PDE6A: variants seen among roughly 807,000 people sequenced by gnomAD.
PDE6A encodes rod cGMP-specific 3',5'-cyclic phosphodiesterase subunit alpha.
Under a neutral mutation model 106.3 loss-of-function variants are expected in PDE6A, and 84 were observed. The observed-to-expected ratio is 0.79, with a 90% CI of 0.66 to 0.95. The LOEUF (loss-of-function observed/expected upper bound fraction) is 0.95, where lower values mean the gene tolerates loss of function less well. Ranked by LOEUF, PDE6A falls within the 40% of genes least tolerant of loss-of-function variation. PDE6A has a pLI of 0.00. For missense variants in PDE6A, 1,052 were observed against 1,084.9 expected, an observed-to-expected ratio of 0.97 and a Z score of 0.43; for synonymous variants, 394 against 386.6, an observed-to-expected ratio of 1.02 and a Z score of -0.23.
chr5:149,880,851 G>A (rs1760895529), intron 17 of PDE6A, among the ~76,000 whole-genome samples: 1 of 152,072 alleles, frequency 6.6e-6, no homozygotes, highest in Non-Finnish European at 1.5e-5. Flanking sequence ...TTGAGGTCAG[G>A]AGTTTGAGAC....
At chr5:149,896,120 C>T (rs1752740855) in intron 12 of PDE6A, among the ~76,000 whole-genome samples, 1 of 152,274 alleles carries the variant, frequency 6.6e-6, no homozygotes, top group Non-Finnish European at 1.5e-5. Context: ...GGCTTAGTAC[C>T]TCAGAACCCA....
chr5:149,891,627 C>A (rs1482791539), intron 13 of PDE6A, among the ~76,000 whole-genome samples: 1 of 151,956 alleles, frequency 6.6e-6, no homozygotes, highest in Non-Finnish European at 1.5e-5. Flanking sequence ...CATAGTGAGA[C>A]CCTGTCTTTT....
In PDE6A at chr5:149,886,262, C is replaced by T. The variant is rs921058026; in HGVS notation, c.1838+3G>A. 1 of 1,605,076 alleles carries T rather than the reference C, an allele frequency of 6.2e-7. No homozygotes were observed. Among genetic ancestry groups the T allele is most frequent in the African/African-American group, 1.3e-5 (1 of 74,916 alleles). On this transcript the variant is annotated splice_donor_region_variant and intron_variant, in intron 14 of 21. Transcript: ENST00000255266. The stretch of plus-strand genomic sequence containing the variant: ...TTGGGTGTGGGGAGGGAGGCTGACT[C>T]ACTTCATCTGGTAGAGGTTATTGGT...
chr5:149,921,299 A>G (rs1753710667), intron 5 of PDE6A, among the ~76,000 whole-genome samples: 1 of 152,134 alleles, frequency 6.6e-6, no homozygotes, highest in South Asian at 2.1e-4. Flanking sequence ...TTAGAAAGAA[A>G]GAAAGAAAAA....
chr5:149,891,120 G>A (rs1561719784), intron 13 of PDE6A, among the ~76,000 whole-genome samples: 1 of 152,188 alleles, frequency 6.6e-6, no homozygotes, highest in Non-Finnish European at 1.5e-5. Flanking sequence ...ACTCATCATG[G>A]AAGAGATAAA....
chr5:149,861,079 C>T lies in PDE6A; in HGVS notation c.2507-108G>A, dbSNP rs10039760. 1.9e-3 allele frequency: 1,675 copies of T among 903,900 alleles called. 20 individuals carry two copies. The African/African-American group carries it at 0.025, about 14-fold the overall frequency. The allele number at this position is 903,900 out of a possible 1,614,324, so 56.0% of individuals were successfully genotyped here. On this transcript the variant is annotated intron_variant, in intron 21 of 21. Coordinates refer to ENST00000255266, the MANE Select transcript of PDE6A (RefSeq NM_000440.3). Reference sequence around the variant, plus strand: ...TTGCAAACTCAAAGGCTTTCAGTGGCCAACAGATAACAACACATGCAGAAG... The same window carrying T: ...TTGCAAACTCAAAGGCTTTCAGTGGTCAACAGATAACAACACATGCAGAAG...
At chr5:149,897,263 T>G (rs1752790353) in intron 10 of PDE6A, among the ~76,000 whole-genome samples, 1 of 152,252 alleles carries the variant, frequency 6.6e-6, no homozygotes, top group East Asian at 1.9e-4. Context: ...ACTGTGTAAC[T>G]TGAGGCAAGT....
intron 6 of PDE6A, among the ~76,000 whole-genome samples, chr5:149,913,056 G>GA (rs894812581): frequency 2.0e-5 from 3 of 150,852 alleles, no homozygotes; most frequent in African/African-American, 2.4e-5. Flanking sequence ...TGATAAGGTA[G>GA]AAAAAAAAAG....
intron 14 of PDE6A, among the ~76,000 whole-genome samples, chr5:149,885,113 C>T (rs1211503249): frequency 6.6e-6 from 1 of 152,190 alleles, no homozygotes; most frequent in Non-Finnish European, 1.5e-5. Context: ...ATCATCTAGC[C>T]CTGATTCTTC....
At chr5:149,931,929 A>G (rs1754046646) in intron 3 of PDE6A, 2 of 927,098 alleles carry the variant, frequency 2.2e-6, no homozygotes, top group African/African-American at 1.7e-5. Flanking sequence ...GCGTACAATG[A>G]AGAGACAGAA....
At chr5:149,877,467 C>T (rs536932891) in intron 17 of PDE6A, among the ~76,000 whole-genome samples, 8 of 152,202 alleles carry the variant, frequency 5.3e-5, no homozygotes, top group African/African-American at 1.4e-4. Context: ...TGGAGTGCAG[C>T]GGTGCAATCT....
rs34230349 is a variant in PDE6A, at chr5:149,944,590, G to T, written c.84C>A (p.Tyr28Ter). The T allele has an allele frequency of 6.2e-7, 1 of 1,614,032 alleles. No homozygotes were observed. Among genetic ancestry groups the T allele is most frequent in the Non-Finnish European group, 8.5e-7 (1 of 1,180,002 alleles). ...GFAKQYYNLH[Y>*]RAKLISDLLG... is the part of the protein sequence containing the mutation. ...GGAGGTCGGAGATGAGCTTGGCCCG[G>T]TAGTGGAGGTTGTAGTACTGTTTGG... The change falls in exon 1 of 22, where the codon TAC becomes TAA. Residue 28 changes from tyrosine (Y) to a stop codon, truncating the protein, a stop_gained. Transcript: ENST00000255266. LOFTEE classifies it high-confidence loss of function.
chr5:149,863,006 G>T lies in PDE6A; in HGVS notation c.2506+113C>A. On this transcript the variant is annotated intron_variant, in intron 21 of 21. Coordinates refer to ENST00000255266, the MANE Select transcript of PDE6A (RefSeq NM_000440.3). The surrounding 1 kb of genome is among the most constrained non-coding windows in gnomAD (Gnocchi z 4.7). ...TCACACACAGAATGGGGACAGTATT[G>T]GCCATCAGGAGGCCTGAATGAGACT... is the stretch of plus-strand genomic sequence containing the variant. 1 of 1,255,798 alleles carries T rather than the reference G, an allele frequency of 8.0e-7. No homozygotes were observed. Among genetic ancestry groups the T allele is most frequent in the Non-Finnish European group, 1.2e-6 (1 of 855,882 alleles). The allele number at this position is 1,255,798 out of a possible 1,614,324, so 77.8% of individuals were successfully genotyped here. A position where few individuals can be genotyped will look rare whatever the true frequency, so the allele number is the denominator to read the frequency against.
intron 5 of PDE6A, among the ~76,000 whole-genome samples, chr5:149,918,814 G>A (rs1426922866): frequency 6.6e-6 from 1 of 151,624 alleles, no homozygotes; most frequent in Non-Finnish European, 1.5e-5. Context: ...TTAGAGACAA[G>A]GTCTCACTTT....
chr5:149,861,352 T>C (rs1448342565), intron 21 of PDE6A, among the ~76,000 whole-genome samples: 1 of 152,178 alleles, frequency 6.6e-6, no homozygotes, highest in Non-Finnish European at 1.5e-5. Context: ...TTTTACTCTT[T>C]TAGAAAGAAA....
intron 5 of PDE6A, among the ~76,000 whole-genome samples, chr5:149,917,500 G>GGA (rs2113633167): frequency 6.6e-6 from 1 of 152,212 alleles, no homozygotes; most frequent in East Asian, 1.9e-4. Flanking sequence ...AACTCATAAG[G>GGA]GAGAGGCTCT....
intron 15 of PDE6A, 97 bp from the exon 16 acceptor site, chr5:149,884,676 C>T: frequency 3.5e-6 from 5 of 1,436,766 alleles, no homozygotes; most frequent in Non-Finnish European, 4.9e-6. Context: ...CAGAGGCAGC[C>T]CAGGCCAATG....
intron 4 of PDE6A, among the ~76,000 whole-genome samples, chr5:149,926,940 T>C (rs1303592420): frequency 7.1e-6 from 1 of 140,666 alleles, no homozygotes. Flanking sequence ...ATCGTGCCAT[T>C]GCACTCCAGC....
intron 4 of PDE6A, 37 bp downstream of exon 4, chr5:149,930,991 C>T (rs200602454): frequency 4.3e-6 from 7 of 1,609,768 alleles, no homozygotes; most frequent in Non-Finnish European, 6.0e-6. Flanking sequence ...TCTGTTTAAT[C>T]TTTTCTTGGA....
Sources: allele counts gnomAD v4.1 joint callset (sites outside exome capture counted in the v4.1 genomes callset), GRCh38; gene constraint gnomAD v4.1.1; non-coding constraint Gnocchi (gnomAD v3.1); transcripts MANE v1.5; gene names NCBI Gene and HGNC (gene_info 2026-07-23, HGNC 2026-07-21).